SNX10: variants seen among roughly 807,000 people sequenced by gnomAD.
SNX10 encodes sorting nexin-10.
SNX10 carries 25 observed loss-of-function variants against 28.5 expected under a neutral mutation model. The ratio of observed to expected loss-of-function variants is 0.88; its 90% confidence interval spans 0.64 to 1.22. The LOEUF (loss-of-function observed/expected upper bound fraction) is 1.22. Ranked by LOEUF, SNX10 falls within the 50% of genes most tolerant of loss-of-function variation. The pLI, the probability that SNX10 is intolerant of heterozygous loss-of-function variation, is 0.00. For missense variants in SNX10, 223 were observed against 242.6 expected (o/e 0.92, Z 0.54); for synonymous variants, 62 against 81.4 (o/e 0.76, Z 1.28).
intron 2 of SNX10, among the ~76,000 whole-genome samples, chr7:26,353,041 C>T (rs1056437244): frequency 2.7e-4 from 41 of 151,950 alleles, no homozygotes; most frequent in African/African-American, 9.7e-4. Flanking sequence ...AAAGGTAACT[C>T]GCTGATTTGG....
chr7:26,301,224 A>G (rs1386237945), intron 1 of SNX10, among the ~76,000 whole-genome samples: 1 of 152,112 alleles, frequency 6.6e-6, no homozygotes, highest in Non-Finnish European at 1.5e-5. Flanking sequence ...GCCAGATCTT[A>G]TGTTACTCAT....
chr7:26,373,597 TTA>T lies in SNX10; in HGVS notation c.*1026_*1027del, dbSNP rs1172408936. ...TAATTTTCATAAAATGTCTTTTTTT[TTA>T]GTGTCCCAAAGATATCTTAGATAAA... is the stretch of plus-strand genomic sequence containing the variant. On this transcript the variant is annotated 3_prime_UTR_variant, in exon 7 of 7. Transcript: ENST00000338523. This position sits in a 1 kb window ranked among gnomAD's most constrained non-coding sequence, Gnocchi z 4.2. 2.6e-5 allele frequency: 4 copies of T among 152,070 alleles called. No homozygotes were observed. Among genetic ancestry groups the T allele is most frequent in the Non-Finnish European group, 5.9e-5 (4 of 67,906 alleles). 9.4% of individuals were successfully genotyped at this position (152,070 alleles called of 1,614,324 possible).
chr7:26,308,735 A>G (rs965113533), intron 1 of SNX10, among the ~76,000 whole-genome samples: 1 of 152,162 alleles, frequency 6.6e-6, no homozygotes, highest in African/African-American at 2.4e-5. Flanking sequence ...TGGGATCCCC[A>G]GTTTATAGCC....
rs1789565675 is a variant in SNX10 at position 26,372,002 on chromosome 7, AAAG to A, written c.496_498del (p.Glu166del). On this transcript the variant is annotated inframe_deletion, in exon 6 of 7. Coordinates refer to ENST00000338523, the MANE Select transcript of SNX10 (RefSeq NM_013322.3). Reference sequence around the variant, plus strand: ...CCCTGAAGAAGATGAAGAAGGAAAAAAAGAAAATGATATAGATTATGATTCAGA... The same window carrying A: ...CCCTGAAGAAGATGAAGAAGGAAAAAAAAATGATATAGATTATGATTCAGA... 6.2e-7 allele frequency: 1 copy of A among 1,610,786 alleles called. No homozygotes were observed. Among genetic ancestry groups the A allele is most frequent in the African/African-American group, 1.3e-5 (1 of 74,854 alleles).
intron 6 of SNX10, 128 bp from the exon 7 acceptor site, chr7:26,372,363 A>C: frequency 1.4e-6 from 1 of 697,806 alleles, no homozygotes; most frequent in Non-Finnish European, 2.5e-6. Context: ...GGCTAATTAA[A>C]AGTCCAAATT....
intron 1 of SNX10, among the ~76,000 whole-genome samples, chr7:26,312,080 C>T (rs991635993): frequency 5.3e-5 from 8 of 152,098 alleles, no homozygotes; most frequent in Non-Finnish European, 1.2e-4. Flanking sequence ...ACAAAAGTTA[C>T]TTCAAAAAAA....
At chr7:26,299,733 AT>A (rs910724293) in intron 1 of SNX10, among the ~76,000 whole-genome samples, 5 of 150,994 alleles carry the variant, frequency 3.3e-5, no homozygotes, top group South Asian at 2.1e-4. Context: ...CTATATTTCT[AT>A]TTTTTTCCCC....
chr7:26,350,966 T>G (rs1788574862), intron 2 of SNX10, among the ~76,000 whole-genome samples: 1 of 152,152 alleles, frequency 6.6e-6, no homozygotes. Flanking sequence ...TTAACTCTTC[T>G]TCCAGATTTT....
intron 1 of SNX10, among the ~76,000 whole-genome samples, chr7:26,315,111 A>T (rs1787023731): frequency 6.6e-6 from 1 of 152,222 alleles, no homozygotes; most frequent in Non-Finnish European, 1.5e-5. Flanking sequence ...ATGAATCAGA[A>T]AAGCAATTTA....
chr7:26,294,938 G>A (rs1407287879), intron 1 of SNX10, among the ~76,000 whole-genome samples: 1 of 152,212 alleles, frequency 6.6e-6, no homozygotes. Flanking sequence ...ACCTGCGAAT[G>A]TAAAGGGCTT....
At chr7:26,325,304 AAAATATATATATAT>A (rs1479397668) in intron 1 of SNX10, among the ~76,000 whole-genome samples, 14 of 3,922 alleles carry the variant, frequency 3.6e-3, no homozygotes, top group Admixed American at 0.026. Context: ...TGAAGTTTGC[AAAATATATATATAT>A]ATATATATAT....
chr7:26,297,335 C>T (rs1786150400), intron 1 of SNX10, among the ~76,000 whole-genome samples: 1 of 152,150 alleles, frequency 6.6e-6, no homozygotes, highest in Non-Finnish European at 1.5e-5. Flanking sequence ...ACCTCGTGAC[C>T]CGCCCGTCTC....
At chr7:26,316,644 A>G (rs1010738154) in intron 1 of SNX10, among the ~76,000 whole-genome samples, 1 of 152,154 alleles carries the variant, frequency 6.6e-6, no homozygotes, top group Non-Finnish European at 1.5e-5. Flanking sequence ...ACTTTGTAAT[A>G]ATTATATAGA....
intron 1 of SNX10, among the ~76,000 whole-genome samples, chr7:26,305,517 A>G: frequency 6.6e-6 from 1 of 152,334 alleles, no homozygotes; most frequent in East Asian, 1.9e-4. Flanking sequence ...ATTAGGGGGC[A>G]GGCAGTGTTA....
intron 1 of SNX10, among the ~76,000 whole-genome samples, chr7:26,332,930 T>A (rs1343231941): frequency 6.6e-6 from 1 of 152,226 alleles, no homozygotes; most frequent in Non-Finnish European, 1.5e-5. Flanking sequence ...TCCTTTGATC[T>A]GTTTGTTTGT....
At chr7:26,342,682 C>A (rs12532077) in intron 1 of SNX10, among the ~76,000 whole-genome samples, 30,081 of 152,100 alleles carry the variant, frequency 0.2, 3,544 homozygotes, top group East Asian at 0.44. Flanking sequence ...TAGAAAATGA[C>A]ATGATCACCA....
At chr7:26,292,163 C>T (rs1390574045) in intron 1 of SNX10, 77 bp downstream of exon 1, 1 of 152,342 alleles carries the variant, frequency 6.6e-6, no homozygotes, top group African/African-American at 2.4e-5. Flanking sequence ...TTTCCAGAGG[C>T]GCGGGCCCTT....
In SNX10 at chr7:26,364,326, C is replaced by T; in HGVS notation, c.112-209C>T. 2 of 1,281,970 alleles carry T rather than the reference C, an allele frequency of 1.6e-6. No homozygotes were observed. Among genetic ancestry groups the T allele is most frequent in the South Asian group, 2.5e-5 (1 of 39,824 alleles). 79.4% of individuals were successfully genotyped at this position (1,281,970 alleles called of 1,614,324 possible). A position where few individuals can be genotyped will look rare whatever the true frequency, so the allele number is the denominator to read the frequency against. ...GGTCATACCTCACCCTGGGGCAACA[C>T]TGCTTATTTCCATCATCCTGGCTGT... is the stretch of plus-strand genomic sequence containing the variant. On this transcript the variant is annotated intron_variant, in intron 3 of 6. Transcript: ENST00000338523. The surrounding 1 kb of genome is among the most constrained non-coding windows in gnomAD (Gnocchi z 4.9).
chr7:26,305,759 C>T (rs1584094086), intron 1 of SNX10, among the ~76,000 whole-genome samples: 1 of 152,184 alleles, frequency 6.6e-6, no homozygotes, highest in Non-Finnish European at 1.5e-5. Context: ...ACGGTGGCGT[C>T]TATTTTGAGG....
Sources: gnomAD v4.1 joint callset for allele counts (sites outside exome capture counted in the v4.1 genomes callset) on GRCh38, gnomAD v4.1.1 for gene constraint, Gnocchi (gnomAD v3.1) non-coding constraint, MANE v1.5 for transcripts, NCBI Gene and HGNC (gene_info 2026-07-23, HGNC 2026-07-21) for gene names.